RIMBP2: variants seen among roughly 807,000 people sequenced by gnomAD.
RIMBP2 encodes RIMS binding protein 2.
RIMBP2 carries 48 observed loss-of-function variants against 118.6 expected under a neutral mutation model. That is an observed-to-expected ratio of 0.40 (90% CI 0.32 to 0.51). RIMBP2 has a LOEUF of 0.51. RIMBP2 is among the 20% of genes least tolerant of loss of function. The pLI, the probability that RIMBP2 is intolerant of heterozygous loss-of-function variation, is 0.41. For missense variants in RIMBP2, 1,551 were observed against 1,768.3 expected (o/e 0.88, Z 2.20); for synonymous variants, 762 against 742.9 (o/e 1.03, Z -0.42).
chr12:130,695,771 A>G (rs1453875971), intron 1 of RIMBP2, among the ~76,000 whole-genome samples: 2 of 152,124 alleles, frequency 1.3e-5, no homozygotes, highest in African/African-American at 2.4e-5. Context: ...GGTGAAGGGC[A>G]GGCTGGTCTG....
chr12:130,664,485 C>T (rs1221287143), intron 1 of RIMBP2, among the ~76,000 whole-genome samples: 1 of 99,578 alleles, frequency 1.0e-5, no homozygotes, highest in African/African-American at 3.4e-5. Context: ...GCACACGCAT[C>T]ACACACTCCC....
chr12:130,544,909 C>T (rs1185180668), intron 2 of RIMBP2, among the ~76,000 whole-genome samples: 1 of 152,064 alleles, frequency 6.6e-6, no homozygotes, highest in Non-Finnish European at 1.5e-5. Context: ...GGAGAGAGTG[C>T]GGGTGAGAGT....
chr12:130,620,369 C>T lies in RIMBP2; in HGVS notation c.-217+7953G>A, dbSNP rs1425787711. Among the ~76,000 whole-genome samples, 5 of 152,194 alleles carry T rather than the reference C, an allele frequency of 3.3e-5. No individual in the cohort carries two copies. Among genetic ancestry groups the T allele is most frequent in the African/African-American group, 4.8e-5 (2 of 41,458 alleles). On this transcript the variant is annotated intron_variant, in intron 2 of 22. Coordinates refer to ENST00000690449, the MANE Select transcript of RIMBP2 (RefSeq NM_001393629.1). This position sits in a 1 kb window ranked among gnomAD's most constrained non-coding sequence, Gnocchi z 5.3. ...CTGAGGCTCCCAATCCCTGATGCTT[C>T]GCTGGCCCTCGCCATTGGTCCTTCT...
At chr12:130,579,430 G>A (rs142102817) in intron 2 of RIMBP2, among the ~76,000 whole-genome samples, 36 of 152,324 alleles carry the variant, frequency 2.4e-4, no homozygotes, top group African/African-American at 7.2e-4. Flanking sequence ...GTCACAACTC[G>A]TTAGGCACGT....
chr12:130,454,571 T>G (rs2079260311), intron 7 of RIMBP2, among the ~76,000 whole-genome samples: 2 of 152,254 alleles, frequency 1.3e-5, no homozygotes, highest in African/African-American at 2.4e-5. Flanking sequence ...AAACTGTGAT[T>G]AAATGAACTG....
chr12:130,538,913 G>A (rs1305488296), intron 2 of RIMBP2, among the ~76,000 whole-genome samples: 1 of 152,126 alleles, frequency 6.6e-6, no homozygotes, highest in Non-Finnish European at 1.5e-5. Flanking sequence ...GTGGGAGGAA[G>A]CAGGGTGGTC....
At chr12:130,587,716 T>G (rs967555936) in intron 2 of RIMBP2, among the ~76,000 whole-genome samples, 1 of 115,912 alleles carries the variant, frequency 8.6e-6, no homozygotes, top group Non-Finnish European at 1.7e-5. Context: ...CATTGGGAGA[T>G]ATACCTAATG....
intron 3 of RIMBP2, among the ~76,000 whole-genome samples, chr12:130,516,180 T>C (rs1421464182): frequency 1.3e-5 from 2 of 152,238 alleles, no homozygotes; most frequent in East Asian, 1.9e-4. Flanking sequence ...CTAAAAAACA[T>C]ACCTTTAAAA....
chr12:130,647,423 G>GAC (rs2063040799), intron 1 of RIMBP2, among the ~76,000 whole-genome samples: 2 of 109,402 alleles, frequency 1.8e-5, no homozygotes, highest in Non-Finnish European at 2.4e-5. Context: ...GGGAGTTAGA[G>GAC]TCAGGAGATG....
Position 130,581,213 on chromosome 12 carries a change from A to G in RIMBP2, c.-217+47109T>C, listed in dbSNP as rs1364938221. Among the ~76,000 whole-genome samples the G allele has an allele frequency of 2.6e-5, 4 of 152,060 alleles. No homozygotes were observed. The East Asian group carries it at 5.8e-4, about 22-fold the overall frequency. ...CAAGGGTGGCAGCCTCTGGGTCATCAACTGAAATGCCCCGTGGTCCCAGGT... is the reference window on the plus strand; with the variant it reads ...CAAGGGTGGCAGCCTCTGGGTCATCGACTGAAATGCCCCGTGGTCCCAGGT... On this transcript the variant is annotated intron_variant, in intron 2 of 22. Transcript: ENST00000690449. The surrounding 1 kb of genome is among the most constrained non-coding windows in gnomAD (Gnocchi z 4.4).
chr12:130,397,263 A>AAGATTGGGTTTTTT lies in RIMBP2; in HGVS notation c.*84_*97dup. On this transcript the variant is annotated 3_prime_UTR_variant, in exon 23 of 23. Coordinates refer to ENST00000690449, the MANE Select transcript of RIMBP2 (RefSeq NM_001393629.1). ...CATTTCTCTACTGGTGTCAGGGGAG[A>AAGATTGGGTTTTTT]AGATTGGGTTTTTTTAGGAAGTACT... 2.5e-6 allele frequency: 1 copy of AAGATTGGGTTTTTT among 396,070 alleles called. No individual in the cohort carries two copies. The allele number at this position is 396,070 out of a possible 1,614,324, so 24.5% of individuals were successfully genotyped here. A position where few individuals can be genotyped will look rare whatever the true frequency, so the allele number is the denominator to read the frequency against.
chr12:130,493,201 A>G (rs1158999913), intron 4 of RIMBP2, among the ~76,000 whole-genome samples: 1 of 152,100 alleles, frequency 6.6e-6, no homozygotes, highest in African/African-American at 2.4e-5. Context: ...TGTAAATATC[A>G]CTAAGTTTTA....
Position 130,470,722 on chromosome 12 carries a change from C to T in RIMBP2, c.124G>A (p.Glu42Lys). ...AGCAGCCGCACTGCGCCTTCATGCT[C>T]CTTCTTAGCCTCAACCTGAGCCTTT... Reference protein sequence around the residue: ...LQKAQVEAKKEHEGAVRLLES... With the variant: ...LQKAQVEAKKKHEGAVRLLES... Residue 42 changes from glutamate to lysine, a missense_variant, in exon 6 of 23, where the codon GAG becomes AAG. Transcript: ENST00000690449. 8.1e-7 allele frequency: 1 copy of T among 1,231,994 alleles called. No homozygotes were observed. The highest frequency in any genetic ancestry group is 1.0e-6 in the Non-Finnish European group (1 of 987,926). 76.3% of individuals were successfully genotyped at this position (1,231,994 alleles called of 1,614,324 possible).
intron 2 of RIMBP2, among the ~76,000 whole-genome samples, chr12:130,552,395 A>C (rs764282124): frequency 6.6e-6 from 1 of 152,270 alleles, no homozygotes; most frequent in Non-Finnish European, 1.5e-5. Flanking sequence ...AAAGAAAATT[A>C]GTGCATTAAT....
At chr12:130,493,401 A>C (rs898762244) in intron 4 of RIMBP2, among the ~76,000 whole-genome samples, 1 of 151,504 alleles carries the variant, frequency 6.6e-6, no homozygotes, top group Non-Finnish European at 1.5e-5. Context: ...TGCAACCTCC[A>C]CCTCCTGAGT....
rs1015381414 is a variant in RIMBP2, at chr12:130,396,548, C to T, written c.*813G>A. On this transcript the variant is annotated 3_prime_UTR_variant, in exon 23 of 23. Transcript: ENST00000690449. Reference sequence around the variant, plus strand: ...TGTGGCTTATGCATTATGTGGATTACTTGTGTGCCATTCATTGCTGTGTAT... The same window carrying T: ...TGTGGCTTATGCATTATGTGGATTATTTGTGTGCCATTCATTGCTGTGTAT... 9 of 152,736 alleles carry T rather than the reference C, an allele frequency of 5.9e-5. No individual in the cohort carries two copies. The highest frequency in any genetic ancestry group is 1.0e-4 in the Non-Finnish European group (7 of 68,026). 9.5% of individuals were successfully genotyped at this position (152,736 alleles called of 1,614,324 possible).
intron 2 of RIMBP2, among the ~76,000 whole-genome samples, chr12:130,546,357 G>A (rs901247526): frequency 2.6e-5 from 4 of 152,146 alleles, no homozygotes; most frequent in Non-Finnish European, 4.4e-5. Context: ...GTGCAGTGGT[G>A]TGATCTCGGA....
At position 130,578,482 on chromosome 12, in the gene RIMBP2, C is replaced by A. The variant is rs1031520716; in HGVS notation, c.-217+49840G>T. ...TCGCCTTGACCTGACTCTCCAGCTG[C>A]ATCTTCAGCCATGCACAGACCTGTT... On this transcript the variant is annotated intron_variant, in intron 2 of 22. Transcript: ENST00000690449. The surrounding 1 kb of genome is among the most constrained non-coding windows in gnomAD (Gnocchi z 4.1). Among the ~76,000 whole-genome samples, 3 of 152,234 alleles carry A rather than the reference C, an allele frequency of 2.0e-5. No individual in the cohort carries two copies. Among genetic ancestry groups the A allele is most frequent in the African/African-American group, 7.2e-5 (3 of 41,454 alleles).
Position 130,434,719 on chromosome 12 carries a change from C to G in RIMBP2, c.2253+15G>C. The G allele has an allele frequency of 6.2e-7, 1 of 1,609,232 alleles. No homozygotes were observed. Among genetic ancestry groups the G allele is most frequent in the Non-Finnish European group, 8.5e-7 (1 of 1,178,830 alleles). On this transcript the variant is annotated intron_variant, in intron 14 of 22. Coordinates refer to ENST00000690449, the MANE Select transcript of RIMBP2 (RefSeq NM_001393629.1). The surrounding 1 kb of genome is among the most constrained non-coding windows in gnomAD (Gnocchi z 5.7). The stretch of plus-strand genomic sequence containing the variant: ...GCCCACCAGGAGGATGGTGTGGGGC[C>G]CGGCCCGCTCTCACCTGCTTGCCAA...
Sources: gnomAD v4.1 joint callset for allele counts (sites outside exome capture counted in the v4.1 genomes callset) on GRCh38, gnomAD v4.1.1 for gene constraint, Gnocchi (gnomAD v3.1) non-coding constraint, MANE v1.5 for transcripts, NCBI Gene and HGNC (gene_info 2026-07-23, HGNC 2026-07-21) for gene names.